SAMD8: variants seen among roughly 807,000 people sequenced by gnomAD.
SAMD8 encodes sterile alpha motif domain containing 8, also known as sphingomyelin synthase-related protein 1.
A neutral mutation model predicts 42.0 loss-of-function variants in SAMD8; 20 were observed. That is an observed-to-expected ratio of 0.48 (90% CI 0.34 to 0.69). SAMD8 has a LOEUF of 0.69. Among genes scored for constraint, SAMD8 ranks in the 30% least tolerant of loss-of-function variants. SAMD8 has a pLI of 0.01. For synonymous variants in SAMD8, 162 were observed against 173.0 expected, an observed-to-expected ratio of 0.94 and a Z score of 0.50; for missense variants, 328 against 511.6, an observed-to-expected ratio of 0.64 and a Z score of 3.46.
chr10:75,177,654 A>G lies in SAMD8; in HGVS notation c.*962A>G, dbSNP rs762473432. The G allele has an allele frequency of 3.9e-5, 6 of 152,244 alleles. No homozygotes were observed. The highest frequency in any genetic ancestry group is 8.8e-5 in the Non-Finnish European group (6 of 68,040). The allele number at this position is 152,244 out of a possible 1,614,324, so 9.4% of individuals were successfully genotyped here. A position where few individuals can be genotyped will look rare whatever the true frequency, so the allele number is the denominator to read the frequency against. ...TGAAAAGAAACTTACAGCACGCAAA[A>G]TATAACTTTTTGGTTTTTGAAATTT... is the stretch of plus-strand genomic sequence containing the variant. On this transcript the variant is annotated 3_prime_UTR_variant, in exon 6 of 6. Transcript: ENST00000542569.
intron 1 of SAMD8, among the ~76,000 whole-genome samples, chr10:75,132,843 A>G (rs1283706592): frequency 6.6e-6 from 1 of 151,768 alleles, no homozygotes; most frequent in African/African-American, 2.4e-5. Context: ...AAGAAAACTA[A>G]TTGGGCTTGG....
chr10:75,179,756 C>T lies in SAMD8; in HGVS notation c.*3064C>T, dbSNP rs1841048890. The T allele has an allele frequency of 1.3e-5, 2 of 152,080 alleles. No homozygotes were observed. The highest frequency in any genetic ancestry group is 4.1e-4 in the South Asian group (2 of 4,832). The allele number at this position is 152,080 out of a possible 1,614,324, so 9.4% of individuals were successfully genotyped here. ...TTTTTTTTCCTGGTTAAAATCTAAA[C>T]CATAGTGAAGATAGTATTTATGTTT... is the stretch of plus-strand genomic sequence containing the variant. On this transcript the variant is annotated 3_prime_UTR_variant, in exon 6 of 6. Transcript: ENST00000542569.
intron 1 of SAMD8, among the ~76,000 whole-genome samples, chr10:75,101,231 T>C (rs1400228227): frequency 1.3e-5 from 2 of 152,150 alleles, no homozygotes; most frequent in Non-Finnish European, 2.9e-5. Context: ...GGTCTTGTCT[T>C]CACCAAGCCA....
chr10:75,176,087 A>C lies in SAMD8; in HGVS notation c.814A>C (p.Lys272Gln). The C allele has an allele frequency of 6.2e-7, 1 of 1,614,150 alleles. No homozygotes were observed. The highest frequency in any genetic ancestry group is 1.7e-5 in the Admixed American group (1 of 59,992). ...TGKIYGSVWEKLHRAFAIWSG... is the reference protein window; with the variant it reads ...TGKIYGSVWEQLHRAFAIWSG... ...ATAGATATATGGCAGTGTATGGGAG[A>C]AATTACATCGAGCCTTTGCCATTTG... Residue 272 changes from lysine (K) to glutamine (Q), a missense_variant, in exon 5 of 6, where the codon AAA becomes CAA. Transcript: ENST00000542569. This position sits in a 1 kb window ranked among gnomAD's most constrained non-coding sequence, Gnocchi z 4.3.
chr10:75,162,019 C>T (rs1290873725), intron 2 of SAMD8, among the ~76,000 whole-genome samples: 1 of 152,014 alleles, frequency 6.6e-6, no homozygotes, highest in Non-Finnish European at 1.5e-5. Flanking sequence ...ACCTGGGCAA[C>T]AGAGCAACAC....
intron 1 of SAMD8, among the ~76,000 whole-genome samples, chr10:75,144,209 C>T (rs978421138): frequency 4.6e-5 from 7 of 152,060 alleles, no homozygotes; most frequent in Non-Finnish European, 7.4e-5. Flanking sequence ...ACCTCGTGAC[C>T]GCCTACCTCG....
At chr10:75,165,362 A>C (rs1482183622) in intron 3 of SAMD8, among the ~76,000 whole-genome samples, 3 of 150,304 alleles carry the variant, frequency 2.0e-5, no homozygotes, top group Non-Finnish European at 1.5e-5. Context: ...CTCTGCTTTG[A>C]GGAGGCCCAT....
At chr10:75,153,583 C>T (rs557257655) in intron 2 of SAMD8, among the ~76,000 whole-genome samples, 19 of 151,260 alleles carry the variant, frequency 1.3e-4, no homozygotes, top group African/African-American at 4.6e-4. Context: ...CATCGCACTC[C>T]AGCCCGGGTG....
chr10:75,176,106 C>T lies in SAMD8; in HGVS notation c.833C>T (p.Ala278Val). ...TGGGAGAAATTACATCGAGCCTTTG[C>T]CATTTGGAGTGGCTTTGGTATGACC... ...SVWEKLHRAFAIWSGFGMTLT... is the reference protein window; with the variant it reads ...SVWEKLHRAFVIWSGFGMTLT... Residue 278 changes from alanine to valine, a missense_variant, in exon 5 of 6, where the codon GCC (alanine) becomes GTC (valine). Around this residue, in one of 2 missense-constraint regions of SAMD8, gnomAD observed 178 missense variants for 325.6 expected, o/e 0.55. Transcript: ENST00000542569. The surrounding 1 kb of genome is among the most constrained non-coding windows in gnomAD (Gnocchi z 4.3). The T allele has an allele frequency of 6.2e-7, 1 of 1,614,112 alleles. No homozygotes were observed. The highest frequency in any genetic ancestry group is 8.5e-7 in the Non-Finnish European group (1 of 1,179,998).
Position 75,150,976 on chromosome 10 carries a change from T to C in SAMD8, c.448T>C (p.Trp150Arg). 6.2e-7 allele frequency: 1 copy of C among 1,613,410 alleles called. No individual in the cohort carries two copies. The highest frequency in any genetic ancestry group is 8.5e-7 in the Non-Finnish European group (1 of 1,179,760). ...TGTTCGAAGATTGGACCCAGAATAC[T>C]GGAAGACTATACTGAGTTGTATATA... is the stretch of plus-strand genomic sequence containing the variant. Reference protein sequence around the residue: ...HSVRRLDPEYWKTILSCIYVF... With the variant: ...HSVRRLDPEYRKTILSCIYVF... The change falls in exon 2 of 6, where the codon TGG (tryptophan) becomes CGG (arginine). Residue 150 changes from tryptophan (W) to arginine (R), a missense_variant. Physicochemically the swap from Trp to Arg is moderately radical, Grantham distance 101 (BLOSUM62 -3). Coordinates refer to ENST00000542569, the MANE Select transcript of SAMD8 (RefSeq NM_001174156.2).
At chr10:75,141,244 C>T (rs1840006069) in intron 1 of SAMD8, among the ~76,000 whole-genome samples, 2 of 151,690 alleles carry the variant, frequency 1.3e-5, no homozygotes, top group South Asian at 2.1e-4. Flanking sequence ...GTCCCAGCTA[C>T]TTGGAAGGCT....
At chr10:75,108,012 C>T (rs199694285), upstream of SAMD8, 43 of 1,612,884 alleles carry the variant, frequency 2.7e-5, no homozygotes, top group African/African-American at 3.9e-4. Context: ...GTTGAGGGCA[C>T]GGTGGATGAA....
At chr10:75,174,400 A>C in intron 4 of SAMD8, among the ~76,000 whole-genome samples, 1 of 142,268 alleles carries the variant, frequency 7.0e-6, no homozygotes, top group East Asian at 2.3e-4. Flanking sequence ...AAGTGCTGGG[A>C]TTACAGGCGT....
At position 75,132,234 on chromosome 10, in the gene SAMD8, C is replaced by T. The variant is rs192400628; in HGVS notation, c.-15-18280C>T. On this transcript the variant is annotated intron_variant, in intron 1 of 5. Transcript: ENST00000542569. ...AAGCTGGATTAGATTTTGCCCAAGACGATCTGTTTTTCTTTGCCCTGATTA... is the reference window on the plus strand; with the variant it reads ...AAGCTGGATTAGATTTTGCCCAAGATGATCTGTTTTTCTTTGCCCTGATTA... 9.2e-5 allele frequency among the ~76,000 whole-genome samples: 14 copies of T among 152,294 alleles called. No individual in the cohort carries two copies. In the East Asian group the frequency reaches 1.7e-3, roughly 19 times the overall value.
intron 1 of SAMD8, among the ~76,000 whole-genome samples, chr10:75,100,419 A>G (rs575280703): frequency 1.1e-4 from 16 of 151,340 alleles, no homozygotes; most frequent in African/African-American, 3.4e-4. Flanking sequence ...AGGCCCGGCC[A>G]CCCCCCCAGG....
In SAMD8 at chr10:75,114,332, CA is replaced by C. The variant is rs34696129; in HGVS notation, c.-16+2626del. ...GCCTGGGCAACAGAGTGATATGTCT[CA>C]AAAAAAAAAAAAAAATCGGTTTCTC... On this transcript the variant is annotated intron_variant, in intron 1 of 5. Transcript: ENST00000542569. Among the ~76,000 whole-genome samples the C allele has an allele frequency of 7.1e-3, 961 of 134,596 alleles. 6 individuals are homozygous for C. The highest frequency in any genetic ancestry group is 0.021 in the African/African-American group (777 of 36,906). The allele number at this position is 134,596 out of a possible 152,430, so 88.3% of individuals were successfully genotyped here. A position where few individuals can be genotyped will look rare whatever the true frequency, so the allele number is the denominator to read the frequency against.
chr10:75,110,409 T>TGG (rs1173717214), upstream of SAMD8, among the ~76,000 whole-genome samples: 3 of 152,188 alleles, frequency 2.0e-5, no homozygotes, highest in Admixed American at 2.0e-4. Flanking sequence ...GACTTCTCAG[T>TGG]GGCCCTAATG....
chr10:75,101,976 G>C (rs764960425), intron 1 of SAMD8: 3 of 1,366,128 alleles, frequency 2.2e-6, no homozygotes, highest in Non-Finnish European at 2.9e-6. Context: ...TTTTTGATTT[G>C]AGTTTAATTA....
At chr10:75,128,241 T>A (rs1186835945) in intron 1 of SAMD8, among the ~76,000 whole-genome samples, 1 of 151,894 alleles carries the variant, frequency 6.6e-6, no homozygotes, top group Non-Finnish European at 1.5e-5. Flanking sequence ...TCCAGCTAAT[T>A]TTTGTATTTT....
Sources: gnomAD v4.1 joint callset for allele counts (sites outside exome capture counted in the v4.1 genomes callset) on GRCh38, gnomAD v4.1.1 for gene constraint, gnomAD v4.1.1 regional missense constraint, Gnocchi (gnomAD v3.1) non-coding constraint, MANE v1.5 for transcripts, NCBI Gene and HGNC (gene_info 2026-07-23, HGNC 2026-07-21) for gene names.